Variants in DENND1B observed in about 807,000 individuals in gnomAD.
DENND1B encodes the protein DENN domain containing 1B.
Under a neutral mutation model 90.1 loss-of-function variants are expected in DENND1B, and 59 were observed. The ratio of observed to expected loss-of-function variants is 0.65; its 90% confidence interval spans 0.53 to 0.81. The LOEUF (loss-of-function observed/expected upper bound fraction) is 0.81. DENND1B is among the 40% of genes least tolerant of loss of function. The probability of loss-of-function intolerance (pLI) is 0.00; values close to 1 mark genes in which losing one functional copy is unlikely to be tolerated. For synonymous variants in DENND1B, 337 were observed against 324.6 expected (o/e 1.04, Z -0.41); for missense variants, 862 against 912.6 (o/e 0.94, Z 0.71).
chr1:197,588,208 T>G (rs547829767), intron 14 of DENND1B, among the ~76,000 whole-genome samples: 143 of 152,290 alleles, frequency 9.4e-4, no homozygotes, highest in African/African-American at 3.3e-3. Context: ...ATAGAATAAT[T>G]AAGCCACAAG....
intron 9 of DENND1B, among the ~76,000 whole-genome samples, 173 bp downstream of exon 9, chr1:197,645,517 T>TTC (rs2125923488): frequency 6.6e-6 from 1 of 152,100 alleles, no homozygotes; most frequent in East Asian, 1.9e-4. Flanking sequence ...GGGGCAGATA[T>TTC]ATAAAGAAGA....
chr1:197,755,590 T>A (rs932954402), intron 2 of DENND1B, among the ~76,000 whole-genome samples: 12 of 152,176 alleles, frequency 7.9e-5, no homozygotes, highest in African/African-American at 2.2e-4. Context: ...TTCCATTTTT[T>A]AAAAAATCAA....
rs545418300 is a variant in DENND1B, at chr1:197,737,829, T to C, written c.83-22755A>G. ...AGTAAAGCTATGTCTTCCTGTTGAG[T>C]TACAATACACATCTCCCTTTAGTCT... is the stretch of plus-strand genomic sequence containing the variant. On this transcript the variant is annotated intron_variant, in intron 2 of 22. Coordinates refer to ENST00000620048, the MANE Select transcript of DENND1B (RefSeq NM_001195215.2). 2.6e-5 allele frequency among the ~76,000 whole-genome samples: 4 copies of C among 152,292 alleles called. No individual in the cohort carries two copies. In the East Asian group the frequency reaches 7.7e-4, roughly 29 times the overall value.
chr1:197,526,503 G>A (rs1438008306), intron 20 of DENND1B, among the ~76,000 whole-genome samples: 1 of 152,070 alleles, frequency 6.6e-6, no homozygotes, highest in Non-Finnish European at 1.5e-5. Context: ...TGTGATTACT[G>A]ATGTAAAGTC....
chr1:197,549,023 G>C (rs111728772), intron 16 of DENND1B, among the ~76,000 whole-genome samples: 2,159 of 152,182 alleles, frequency 0.014, 50 homozygotes, highest in African/African-American at 0.049. Context: ...TTCTTTAGCA[G>C]TGTTAGAAAA....
chr1:197,525,924 G>C (rs1669103522), intron 20 of DENND1B, among the ~76,000 whole-genome samples: 2 of 152,050 alleles, frequency 1.3e-5, no homozygotes, highest in Admixed American at 6.5e-5. Context: ...ACAGATCTGT[G>C]AAATAACTGA....
intron 15 of DENND1B, among the ~76,000 whole-genome samples, chr1:197,580,187 G>C (rs1168140450): frequency 7.0e-6 from 1 of 143,682 alleles, no homozygotes; most frequent in Non-Finnish European, 1.5e-5. Flanking sequence ...CTCCTCCCAG[G>C]TACATGCCAT....
At position 197,557,738 on chromosome 1, in the gene DENND1B, C is replaced by G. The variant is rs1344151281; in HGVS notation, c.1150-4626G>C. Reference sequence around the variant, plus strand: ...TTAATGAGAAGAATGCTGAATTTAACAGTTTTTCAAACACCTTTTTCTATT... The same window carrying G: ...TTAATGAGAAGAATGCTGAATTTAAGAGTTTTTCAAACACCTTTTTCTATT... On this transcript the variant is annotated intron_variant, in intron 15 of 22. Coordinates refer to ENST00000620048, the MANE Select transcript of DENND1B (RefSeq NM_001195215.2). Among the ~76,000 whole-genome samples, 3 of 151,896 alleles carry G rather than the reference C, an allele frequency of 2.0e-5. No homozygotes were observed. The East Asian group carries it at 5.8e-4, about 29-fold the overall frequency.
At chr1:197,659,675 A>G (rs1053021161) in intron 5 of DENND1B, among the ~76,000 whole-genome samples, 1 of 152,018 alleles carries the variant, frequency 6.6e-6, no homozygotes, top group East Asian at 1.9e-4. Flanking sequence ...TGGTAAGCAG[A>G]AAGATAACTA....
chr1:197,764,888 G>A (rs1655513841), intron 2 of DENND1B, among the ~76,000 whole-genome samples: 1 of 152,122 alleles, frequency 6.6e-6, no homozygotes, highest in Non-Finnish European at 1.5e-5. Flanking sequence ...TCTTAGTGGA[G>A]CAGGCCTATA....
intron 20 of DENND1B, among the ~76,000 whole-genome samples, chr1:197,539,728 G>T (rs929115522): frequency 1.3e-5 from 2 of 152,014 alleles, no homozygotes; most frequent in Admixed American, 6.6e-5. Flanking sequence ...TCCTTCACTG[G>T]ACTATGAGAT....
intron 15 of DENND1B, among the ~76,000 whole-genome samples, chr1:197,567,763 C>T (rs1027473077): frequency 1.3e-5 from 2 of 152,076 alleles, no homozygotes; most frequent in Non-Finnish European, 2.9e-5. Context: ...AAAATCAACA[C>T]TCATGATGAA....
At chr1:197,643,919 C>T (rs1160529461) in intron 9 of DENND1B, among the ~76,000 whole-genome samples, 2 of 152,080 alleles carry the variant, frequency 1.3e-5, no homozygotes, top group Non-Finnish European at 2.9e-5. Flanking sequence ...ATATAACAAA[C>T]AAAAACTGTA....
At chr1:197,593,018 A>T (rs999309202) in intron 14 of DENND1B, among the ~76,000 whole-genome samples, 1 of 152,052 alleles carries the variant, frequency 6.6e-6, no homozygotes, top group Non-Finnish European at 1.5e-5. Flanking sequence ...ACCAAAATAT[A>T]TTTGATTGAT....
chr1:197,741,021 G>A (rs1456671655), intron 2 of DENND1B, among the ~76,000 whole-genome samples: 1 of 151,960 alleles, frequency 6.6e-6, no homozygotes, highest in Non-Finnish European at 1.5e-5. Context: ...GATCAGAAAA[G>A]CACACAAAGC....
chr1:197,599,893 A>T (rs1247790136), intron 13 of DENND1B, among the ~76,000 whole-genome samples: 1 of 151,870 alleles, frequency 6.6e-6, no homozygotes, highest in African/African-American at 2.4e-5. Context: ...TAAAATCCAA[A>T]GGTCTTTAAC....
At chr1:197,516,792 A>G (rs1220172002) in intron 20 of DENND1B, among the ~76,000 whole-genome samples, 1 of 151,982 alleles carries the variant, frequency 6.6e-6, no homozygotes, top group African/African-American at 2.4e-5. Context: ...TATTAAAAAC[A>G]TGCATATTAA....
chr1:197,515,964 A>G (rs10494756), intron 20 of DENND1B, among the ~76,000 whole-genome samples: 78,912 of 151,590 alleles, frequency 0.52, 21,269 homozygotes, highest in East Asian at 0.66. Context: ...TAGCATCTCT[A>G]TTTTTTAAGT....
chr1:197,561,693 T>C (rs1183902385), intron 15 of DENND1B, among the ~76,000 whole-genome samples: 6 of 151,786 alleles, frequency 4.0e-5, no homozygotes, highest in African/African-American at 1.4e-4. Flanking sequence ...CAACTCTTGT[T>C]CTTCTTGACG....
Sources: gnomAD v4.1 joint callset for allele counts (sites outside exome capture counted in the v4.1 genomes callset) on GRCh38, gnomAD v4.1.1 for gene constraint, MANE v1.5 for transcripts, NCBI Gene and HGNC (gene_info 2026-07-23, HGNC 2026-07-21) for gene names.